The following DCC variants were observed in gnomAD, a reference collection of about 807,000 sequenced individuals.
DCC encodes the protein netrin receptor DCC.
Under a neutral mutation model 172.5 loss-of-function variants are expected in DCC, and 58 were observed. The observed-to-expected ratio is 0.34, with a 90% CI of 0.27 to 0.42. The LOEUF (loss-of-function observed/expected upper bound fraction) is 0.42. Ranked by LOEUF, DCC falls within the 10% of genes least tolerant of loss-of-function variation. The pLI is 1.00. For missense variants in DCC, 1,740 were observed against 1,791.0 expected, an observed-to-expected ratio of 0.97 and a Z score of 0.51; for synonymous variants, 709 against 644.5, an observed-to-expected ratio of 1.10 and a Z score of -1.52.
intron 25 of DCC, among the ~76,000 whole-genome samples, 194 bp from the exon 26 acceptor site, chr18:53,486,603 A>T (rs2045902715): frequency 6.6e-6 from 1 of 152,222 alleles, no homozygotes; most frequent in African/African-American, 2.4e-5. Flanking sequence ...ATTTCGTAGT[A>T]TGATGCTTGA....
At chr18:52,505,038 T>C (rs2031178519) in intron 1 of DCC, among the ~76,000 whole-genome samples, 1 of 152,152 alleles carries the variant, frequency 6.6e-6, no homozygotes. Context: ...AAGACACAGC[T>C]GAAAGCCTCA....
intron 2 of DCC, among the ~76,000 whole-genome samples, chr18:52,889,422 C>T (rs571568054): frequency 6.6e-6 from 1 of 152,180 alleles, no homozygotes; most frequent in African/African-American, 2.4e-5. Flanking sequence ...CCACATACTA[C>T]TCTAAATGTG....
intron 5 of DCC, among the ~76,000 whole-genome samples, chr18:53,025,450 T>C (rs533748041): frequency 3.3e-4 from 50 of 152,244 alleles, no homozygotes; most frequent in Non-Finnish European, 7.2e-4. Flanking sequence ...GGCCCTTCCC[T>C]GTTCAACATA....
At chr18:52,361,507 C>T (rs367595457) in intron 1 of DCC, among the ~76,000 whole-genome samples, 35 of 152,266 alleles carry the variant, frequency 2.3e-4, no homozygotes, top group African/African-American at 8.4e-4. Context: ...AGACAGATCA[C>T]CTTCCAAGAG....
intron 2 of DCC, 53 bp downstream of exon 2, chr18:52,752,427 T>C (rs1297604257): frequency 7.2e-7 from 1 of 1,385,354 alleles, no homozygotes; most frequent in African/African-American, 1.4e-5. Flanking sequence ...TTCTTCTTAT[T>C]CATTTTTGGG....
At chr18:52,448,342 CAG>C (rs1260724984) in intron 1 of DCC, among the ~76,000 whole-genome samples, 9 of 152,284 alleles carry the variant, frequency 5.9e-5, no homozygotes, top group African/African-American at 1.9e-4. Flanking sequence ...CCAAAAAGGT[CAG>C]AGACTGCTGC....
At chr18:53,484,799 GA>G (rs1250412113) in intron 25 of DCC, among the ~76,000 whole-genome samples, 1 of 152,000 alleles carries the variant, frequency 6.6e-6, no homozygotes, top group East Asian at 1.9e-4. Context: ...GAAATTTTAA[GA>G]TTTTTTTCTA....
chr18:52,674,736 T>C (rs935691715), intron 1 of DCC, among the ~76,000 whole-genome samples: 7 of 152,220 alleles, frequency 4.6e-5, no homozygotes, highest in Non-Finnish European at 2.9e-5. Context: ...CACTGTAGCA[T>C]GTTGAAGCAA....
intron 12 of DCC, among the ~76,000 whole-genome samples, chr18:53,222,550 A>T (rs2055957364): frequency 6.7e-6 from 1 of 149,682 alleles, no homozygotes; most frequent in Non-Finnish European, 1.5e-5. Context: ...ATGCCTGGCT[A>T]ATTTTTTACT....
At chr18:52,588,049 A>G (rs1000752390) in intron 1 of DCC, among the ~76,000 whole-genome samples, 3 of 152,218 alleles carry the variant, frequency 2.0e-5, no homozygotes, top group African/African-American at 7.2e-5. Flanking sequence ...CACCCAGTTC[A>G]TGACAGGCAG....
chr18:52,448,132 ACCTCCTGT>A lies in DCC; in HGVS notation c.91+107256_91+107263del, dbSNP rs1280339678. 7.2e-5 allele frequency among the ~76,000 whole-genome samples: 11 copies of A among 151,944 alleles called. No homozygotes were observed. In the South Asian group the frequency reaches 2.3e-3, roughly 32 times the overall value. On this transcript the variant is annotated intron_variant, in intron 1 of 28. Coordinates refer to ENST00000442544, the MANE Select transcript of DCC (RefSeq NM_005215.4). ...AGGTGAGCATTTCTGCTTGAGCTCC[ACCTCCTGT>A]CAGATCAGCAGAGGCATTAGATTCT...
intron 1 of DCC, among the ~76,000 whole-genome samples, chr18:52,743,437 C>T (rs552751002): frequency 6.6e-5 from 10 of 152,168 alleles, no homozygotes; most frequent in Admixed American, 1.3e-4. Context: ...CCTACATGTC[C>T]GGAAATGTTA....
intron 15 of DCC, among the ~76,000 whole-genome samples, chr18:53,361,827 T>C (rs1599065407): frequency 8.8e-6 from 1 of 113,412 alleles, no homozygotes; most frequent in South Asian, 2.4e-4. Flanking sequence ...AGAAATTATG[T>C]ATTTTTTTTA....
At chr18:53,239,683 A>T (rs2056259293) in intron 12 of DCC, among the ~76,000 whole-genome samples, 1 of 152,184 alleles carries the variant, frequency 6.6e-6, no homozygotes, top group African/African-American at 2.4e-5. Flanking sequence ...GAAGAATTCA[A>T]ATGTTTTGAA....
chr18:52,727,511 A>G (rs1392563308), intron 1 of DCC, among the ~76,000 whole-genome samples: 1 of 152,220 alleles, frequency 6.6e-6, no homozygotes, highest in Non-Finnish European at 1.5e-5. Flanking sequence ...GAAGAAAATG[A>G]TCCACATTTG....
chr18:52,670,846 GAA>G (rs569848425), intron 1 of DCC, among the ~76,000 whole-genome samples: 2 of 143,700 alleles, frequency 1.4e-5, no homozygotes, highest in African/African-American at 5.1e-5. Flanking sequence ...ATCTCAAAAA[GAA>G]AAAAAAAAAT....
At chr18:52,863,426 A>G (rs72922219) in intron 2 of DCC, among the ~76,000 whole-genome samples, 4,050 of 151,914 alleles carry the variant, frequency 0.027, 86 homozygotes, top group Non-Finnish European at 0.04. Context: ...TAAGCTTTCT[A>G]TAGAACAATT....
intron 14 of DCC, among the ~76,000 whole-genome samples, chr18:53,338,947 T>C (rs2057622449): frequency 1.3e-5 from 2 of 152,268 alleles, no homozygotes; most frequent in South Asian, 4.1e-4. Flanking sequence ...AGACAGTGAG[T>C]ATACAATACA....
chr18:53,413,271 AT>A (rs909318187), intron 20 of DCC, among the ~76,000 whole-genome samples: 15 of 152,328 alleles, frequency 9.8e-5, no homozygotes, highest in Middle Eastern at 3.4e-3. Context: ...CTTAGTCATC[AT>A]TCTGAAATGT....
Sources: gnomAD v4.1 joint callset for allele counts (sites outside exome capture counted in the v4.1 genomes callset) on GRCh38, gnomAD v4.1.1 for gene constraint, MANE v1.5 for transcripts, NCBI Gene and HGNC (gene_info 2026-07-23, HGNC 2026-07-21) for gene names.